The following CATSPERT variants were observed in gnomAD, a reference collection of about 807,000 sequenced individuals.
CATSPERT encodes the protein catsper channel auxiliary subunit tau.
chr2:201,494,314 T>A, the CATSPERT span: 7 of 1,536,958 alleles, frequency 4.6e-6, no homozygotes, highest in Non-Finnish European at 6.1e-6. Context: ...TAAAATTGAC[T>A]TGAGTATCAT....
At chr2:201,595,643 C>G in the CATSPERT span, among the ~76,000 whole-genome samples, 8 of 151,320 alleles carry the variant, frequency 5.3e-5, no homozygotes, top group African/African-American at 1.5e-4. Context: ...GCAGTCTGCC[C>G]GTTCTCAGAT....
chr2:201,557,630 T>C, the CATSPERT span: 1 of 152,356 alleles, frequency 6.6e-6, no homozygotes, highest in South Asian at 2.1e-4. Flanking sequence ...ACAGAAGTTG[T>C]AGCAGGATTT....
At chr2:201,516,930 C>CTTTTTTTTTTT in the CATSPERT span, among the ~76,000 whole-genome samples, 2 of 135,520 alleles carry the variant, frequency 1.5e-5, no homozygotes, top group Non-Finnish European at 1.6e-5. Flanking sequence ...AATAGGAAGG[C>CTTTTTTTTTTT]TTTTTTTTTT....
the CATSPERT span, among the ~76,000 whole-genome samples, chr2:201,519,408 T>A: frequency 6.6e-6 from 1 of 152,018 alleles, no homozygotes; most frequent in Admixed American, 6.6e-5. Context: ...AAGACGTGAC[T>A]ATTACACCAG....
At chr2:201,526,735 C>T in the CATSPERT span, among the ~76,000 whole-genome samples, 2 of 152,172 alleles carry the variant, frequency 1.3e-5, no homozygotes, top group South Asian at 4.1e-4. Flanking sequence ...GTCAAAAACT[C>T]TCAAAAGACG....
the CATSPERT span, among the ~76,000 whole-genome samples, chr2:201,598,595 C>CT: frequency 6.1e-3 from 891 of 146,286 alleles, 5 homozygotes; most frequent in Middle Eastern, 0.011. Flanking sequence ...GCTCCAACCA[C>CT]TTTTTTTTTT....
chr2:201,515,566 A>G, the CATSPERT span, among the ~76,000 whole-genome samples: 1 of 152,058 alleles, frequency 6.6e-6, no homozygotes, highest in Admixed American at 6.6e-5. Context: ...GAGGATTTTG[A>G]CTTGCCAACC....
At chr2:201,518,576 C>T in the CATSPERT span, among the ~76,000 whole-genome samples, 1 of 152,144 alleles carries the variant, frequency 6.6e-6, no homozygotes, top group Admixed American at 6.5e-5. Flanking sequence ...TCTTAGTCCT[C>T]AGGTGTCAGT....
the CATSPERT span, among the ~76,000 whole-genome samples, chr2:201,547,919 TATC>T: frequency 6.6e-6 from 1 of 152,266 alleles, no homozygotes; most frequent in Admixed American, 6.5e-5. Context: ...ATGGCGTTAT[TATC>T]ATTATTTAGG....
chr2:201,508,940 C>T, the CATSPERT span, among the ~76,000 whole-genome samples: 2 of 151,166 alleles, frequency 1.3e-5, no homozygotes, highest in African/African-American at 4.9e-5. Flanking sequence ...TTGCAGTAAA[C>T]ATGGGTGTGC....
At chr2:201,618,696 C>T in the CATSPERT span, among the ~76,000 whole-genome samples, 12 of 147,896 alleles carry the variant, frequency 8.1e-5, no homozygotes, top group Non-Finnish European at 1.3e-4. Flanking sequence ...TACCCTAGAA[C>T]TTAAAGTATA....
At chr2:201,531,364 A>ACTCAGAGC in the CATSPERT span, among the ~76,000 whole-genome samples, 5 of 152,142 alleles carry the variant, frequency 3.3e-5, no homozygotes, top group Admixed American at 3.3e-4. Context: ...AGCTCTAATT[A>ACTCAGAGC]TGTATGTCTT....
the CATSPERT span, chr2:201,536,218 G>C: frequency 6.2e-7 from 1 of 1,613,416 alleles, no homozygotes; most frequent in East Asian, 2.2e-5. Context: ...GTGGGTGAAG[G>C]TGTTGATTCA....
chr2:201,538,087 T>C, the CATSPERT span, among the ~76,000 whole-genome samples: 14 of 152,016 alleles, frequency 9.2e-5, no homozygotes, highest in Non-Finnish European at 1.5e-5. Context: ...AACACAATAA[T>C]GTTAACTATC....
the CATSPERT span, among the ~76,000 whole-genome samples, chr2:201,514,839 C>T: frequency 0.039 from 5,992 of 152,280 alleles, 185 homozygotes; most frequent in African/African-American, 0.083. Flanking sequence ...ATCTGTGAAC[C>T]TGGTCCAGAT....
the CATSPERT span, among the ~76,000 whole-genome samples, chr2:201,617,441 T>A: frequency 1.3e-5 from 2 of 152,096 alleles, no homozygotes; most frequent in South Asian, 4.2e-4. Flanking sequence ...AAACCTGACA[T>A]AAACAAGAAA....
At chr2:201,518,535 T>A in the CATSPERT span, among the ~76,000 whole-genome samples, 1 of 152,166 alleles carries the variant, frequency 6.6e-6, no homozygotes, top group Non-Finnish European at 1.5e-5. Flanking sequence ...TAGGTATCCT[T>A]AAGGGAGTAC....
chr2:201,574,423 G>T, the CATSPERT span: 1 of 556,744 alleles, frequency 1.8e-6, no homozygotes, highest in Non-Finnish European at 3.0e-6. Flanking sequence ...TTTACACAAG[G>T]AACTCCTACA....
chr2:201,594,912 C>T, the CATSPERT span, among the ~76,000 whole-genome samples: 1 of 152,128 alleles, frequency 6.6e-6, no homozygotes, highest in South Asian at 2.1e-4. Flanking sequence ...AACTTCTTTG[C>T]CTTTGTTTGA....
Sources: allele counts gnomAD v4.1 joint callset (sites outside exome capture counted in the v4.1 genomes callset), GRCh38; gene constraint gnomAD v4.1.1; transcripts MANE v1.5; gene names NCBI Gene and HGNC (gene_info 2026-07-23, HGNC 2026-07-21).